ZNF543: variants seen among roughly 807,000 people sequenced by gnomAD.
The protein encoded by ZNF543 is zinc finger protein 543.
ZNF543 carries 10 observed loss-of-function variants against 13.4 expected under a neutral mutation model. The observed-to-expected ratio is 0.75, with a 90% CI of 0.46 to 1.26. The LOEUF (loss-of-function observed/expected upper bound fraction) is 1.26, where lower values mean the gene tolerates loss of function less well. Among genes scored for constraint, ZNF543 ranks in the 50% most tolerant of loss-of-function variants. The pLI is 0.00. For missense variants in ZNF543, 768 were observed against 741.2 expected (o/e 1.04, Z -0.42); for synonymous variants, 272 against 264.7 (o/e 1.03, Z -0.27).
At position 57,327,843 on chromosome 19, in the gene ZNF543, A is replaced by T; in HGVS notation, c.381A>T (p.Pro127=). 1 of 1,614,148 alleles carries T rather than the reference A, an allele frequency of 6.2e-7. No homozygotes were observed. Among genetic ancestry groups the T allele is most frequent in the Admixed American group, 1.7e-5 (1 of 60,022 alleles). Residue 127 remains proline, a synonymous_variant, in exon 4 of 4, where the codon CCA becomes CCT. Coordinates refer to ENST00000321545, the MANE Select transcript of ZNF543 (RefSeq NM_213598.4). ...GGCAATCCAAGGATCAGGATGGGCC[A>T]TCTGAAATGCAAGAAGTCCACTTGA... The part of the protein sequence containing the change: ...QLGQSKDQDG[P]SEMQEVHLKI...
chr19:57,320,745 G>A lies in ZNF543; in HGVS notation c.-109G>A, dbSNP rs775899707. 5.8e-6 allele frequency: 8 copies of A among 1,377,128 alleles called. No homozygotes were observed. Among genetic ancestry groups the A allele is most frequent in the Non-Finnish European group, 8.0e-6 (8 of 1,005,282 alleles). The allele number at this position is 1,377,128 out of a possible 1,614,324, so 85.3% of individuals were successfully genotyped here. A position where few individuals can be genotyped will look rare whatever the true frequency, so the allele number is the denominator to read the frequency against. On this transcript the variant is annotated 5_prime_UTR_variant, in exon 1 of 4. Coordinates refer to ENST00000321545, the MANE Select transcript of ZNF543 (RefSeq NM_213598.4). ...CGCATTTTTCTCTGGGGAAACTGAGGCTCCGAGTGCGAAAGTCAGCCGAGG... is the reference window on the plus strand; with the variant it reads ...CGCATTTTTCTCTGGGGAAACTGAGACTCCGAGTGCGAAAGTCAGCCGAGG...
rs773958962 is a variant in ZNF543, at chr19:57,328,076, G to C, written c.614G>C (p.Gly205Ala). Residue 205 changes from glycine (G) to alanine (A), a missense_variant, in exon 4 of 4, where the codon GGG becomes GCG. By Grantham distance (60) the Gly-to-Ala change is moderately conservative. Transcript: ENST00000321545. ...AATTCCTATAAATGTGAGGAATGCG[G>C]GAAAGTGTTTAAAAAGAATGCCCTC... is the stretch of plus-strand genomic sequence containing the variant. ...EKNSYKCEECGKVFKKNALLV... is the reference protein window; with the variant it reads ...EKNSYKCEECAKVFKKNALLV... The C allele has an allele frequency of 2.5e-6, 4 of 1,614,230 alleles. No homozygotes were observed. The highest frequency in any genetic ancestry group is 3.4e-6 in the Non-Finnish European group (4 of 1,180,052).
rs2088148655 is a variant in ZNF543, at chr19:57,329,430, G to C, written c.*165G>C. ...TCCACCTGAGAATTCACCCATGAGA[G>C]AGACCCAGTGGTTGCTATGCACTTA... On this transcript the variant is annotated 3_prime_UTR_variant, in exon 4 of 4. Transcript: ENST00000321545. 1 of 894,000 alleles carries C rather than the reference G, an allele frequency of 1.1e-6. No homozygotes were observed. The highest frequency in any genetic ancestry group is 1.7e-5 in the African/African-American group (1 of 59,608). 55.4% of individuals were successfully genotyped at this position (894,000 alleles called of 1,614,324 possible).
rs547831529 is a variant in ZNF543, at chr19:57,324,297, G to A, written c.145+489G>A. Reference sequence around the variant, plus strand: ...ACCCGGGAGGCGGAAGTTGCAGTGAGCTGAGATCTCATCACTACACTCCAG... The same window carrying A: ...ACCCGGGAGGCGGAAGTTGCAGTGAACTGAGATCTCATCACTACACTCCAG... On this transcript the variant is annotated intron_variant, in intron 2 of 3. Transcript: ENST00000321545. 3.3e-5 allele frequency among the ~76,000 whole-genome samples: 5 copies of A among 149,596 alleles called. No individual in the cohort carries two copies. In the East Asian group the frequency reaches 9.8e-4, roughly 29 times the overall value.
rs1018276123 is a variant in ZNF543 at position 57,328,423 on chromosome 19, C to T, written c.961C>T (p.Arg321Ter). Reference protein sequence around the residue: ...FVCKECGKAFRDRPGFIRHYI... With the variant: ...FVCKECGKAF ...GTGCAAAGAGTGTGGCAAAGCCTTT[C>T]GAGATAGGCCAGGTTTCATTCGACA... The change falls in exon 4 of 4, where the codon CGA (arginine) becomes TGA (stop). Residue 321 changes from arginine (R) to a stop codon, truncating the protein, a stop_gained. Transcript: ENST00000321545. LOFTEE classifies it low-confidence loss of function (END_TRUNC). 4.4e-5 allele frequency: 71 copies of T among 1,609,060 alleles called. No individual in the cohort carries two copies. Among genetic ancestry groups the T allele is most frequent in the Non-Finnish European group, 5.5e-5 (65 of 1,178,668 alleles).
chr19:57,326,969 G>A (rs1057388123), intron 3 of ZNF543, among the ~76,000 whole-genome samples: 2 of 149,764 alleles, frequency 1.3e-5, no homozygotes, highest in African/African-American at 4.9e-5. Context: ...CTGGGCTCAA[G>A]GGATTCTCCC....
Position 57,327,824 on chromosome 19 carries a change from C to T in ZNF543, c.362C>T (p.Ser121Phe). The change falls in exon 4 of 4, where the codon TCC (serine) becomes TTC (phenylalanine). Residue 121 changes from serine (S) to phenylalanine (F), a missense_variant. Ser to Phe is a radical substitution (Grantham distance 155). Transcript: ENST00000321545. ...GASKNSQLGQSKDQDGPSEMQ... is the reference protein window; with the variant it reads ...GASKNSQLGQFKDQDGPSEMQ... ...TCAAAGAACTCCCAATTAGGGCAAT[C>T]CAAGGATCAGGATGGGCCATCTGAA... 6.2e-7 allele frequency: 1 copy of T among 1,614,094 alleles called. No homozygotes were observed.
chr19:57,323,663 T>G lies in ZNF543; in HGVS notation c.19-19T>G. The G allele has an allele frequency of 6.2e-7, 1 of 1,610,474 alleles. No individual in the cohort carries two copies. The highest frequency in any genetic ancestry group is 8.5e-7 in the Non-Finnish European group (1 of 1,177,648). On this transcript the variant is annotated intron_variant, in intron 1 of 3. Coordinates refer to ENST00000321545, the MANE Select transcript of ZNF543 (RefSeq NM_213598.4). ...CACAGTTCCAAGGGAAACACTACTA[T>G]CTCTGTTTAATTTTCCAGGTGTCTG... is the stretch of plus-strand genomic sequence containing the variant.
In ZNF543 at chr19:57,320,773, G is replaced by T; in HGVS notation, c.-81G>T. On this transcript the variant is annotated 5_prime_UTR_variant, in exon 1 of 4. Transcript: ENST00000321545. The stretch of plus-strand genomic sequence containing the variant: ...CCGAGTGCGAAAGTCAGCCGAGGTC[G>T]CCCCGCCCAGGACAGAGAAGGGCTG... The T allele has an allele frequency of 2.6e-6, 4 of 1,554,038 alleles. No individual in the cohort carries two copies. The highest frequency in any genetic ancestry group is 2.6e-6 in the Non-Finnish European group (3 of 1,143,524).
chr19:57,326,772 A>G (rs2088123414), intron 3 of ZNF543, 44 bp downstream of exon 3: 1 of 1,523,216 alleles, frequency 6.6e-7, no homozygotes, highest in African/African-American at 1.4e-5. Flanking sequence ...GGCAGCTTAC[A>G]CATGGAAAAG....
intron 2 of ZNF543, 68 bp downstream of exon 2, chr19:57,323,876 C>T: frequency 6.4e-7 from 1 of 1,566,878 alleles, no homozygotes; most frequent in Admixed American, 1.7e-5. Flanking sequence ...CCTCTCTCCT[C>T]CACAGCCCAC....
intron 1 of ZNF543, among the ~76,000 whole-genome samples, chr19:57,322,639 T>G (rs1438187468): frequency 6.6e-6 from 1 of 152,144 alleles, no homozygotes; most frequent in Non-Finnish European, 1.5e-5. Context: ...GGGTTCAAAT[T>G]CTGTCTCTCC....
chr19:57,326,497 C>T (rs1336895153), intron 2 of ZNF543, 136 bp from the exon 3 acceptor site: 7 of 635,818 alleles, frequency 1.1e-5, no homozygotes, highest in Non-Finnish European at 1.9e-5. Context: ...TTTATGGTCA[C>T]GGTTCAACGT....
At position 57,329,112 on chromosome 19, in the gene ZNF543, C is replaced by T. The variant is rs549745000; in HGVS notation, c.1650C>T (p.Leu550=). 8.7e-6 allele frequency: 14 copies of T among 1,614,102 alleles called. No homozygotes were observed. Among genetic ancestry groups the T allele is most frequent in the Non-Finnish European group, 1.1e-5 (13 of 1,180,048 alleles). Reference sequence around the variant, plus strand: ...AGGCTTTTAATCGCGGCTCATCCCTCACACATCATCAAAGGATTCATACTG... The same window carrying T: ...AGGCTTTTAATCGCGGCTCATCCCTTACACATCATCAAAGGATTCATACTG... The part of the protein sequence containing the change: ...CGKAFNRGSS[L]THHQRIHTGR... The change falls in exon 4 of 4, where the codon CTC becomes CTT. Residue 550 remains leucine, a synonymous_variant. Coordinates refer to ENST00000321545, the MANE Select transcript of ZNF543 (RefSeq NM_213598.4).
chr19:57,320,740 CTG>C lies in ZNF543; in HGVS notation c.-113_-112del, dbSNP rs1444133872. 7.5e-7 allele frequency: 1 copy of C among 1,338,912 alleles called. No homozygotes were observed. The highest frequency in any genetic ancestry group is 1.0e-6 in the Non-Finnish European group (1 of 977,680). The allele number at this position is 1,338,912 out of a possible 1,614,324, so 82.9% of individuals were successfully genotyped here. A position where few individuals can be genotyped will look rare whatever the true frequency, so the allele number is the denominator to read the frequency against. ...TTGTGCGCATTTTTCTCTGGGGAAA[CTG>C]AGGCTCCGAGTGCGAAAGTCAGCCG... is the stretch of plus-strand genomic sequence containing the variant. On this transcript the variant is annotated 5_prime_UTR_variant, in exon 1 of 4. Coordinates refer to ENST00000321545, the MANE Select transcript of ZNF543 (RefSeq NM_213598.4).
At position 57,324,632 on chromosome 19, in the gene ZNF543, G is replaced by C. The variant is rs531861559; in HGVS notation, c.145+824G>C. On this transcript the variant is annotated intron_variant, in intron 2 of 3. Coordinates refer to ENST00000321545, the MANE Select transcript of ZNF543 (RefSeq NM_213598.4). The stretch of plus-strand genomic sequence containing the variant: ...AGACTCAGGTGTACATTTTGGCTTG[G>C]CCATTCGCCATTTCCCAGATTTTGG... 4.2e-4 allele frequency among the ~76,000 whole-genome samples: 64 copies of C among 152,266 alleles called. No individual in the cohort carries two copies. In the Middle Eastern group the frequency reaches 0.01, roughly 24 times the overall value.
At chr19:57,323,430 G>A (rs567885255) in intron 1 of ZNF543, among the ~76,000 whole-genome samples, 46 of 152,024 alleles carry the variant, frequency 3.0e-4, no homozygotes, top group African/African-American at 1.1e-3. Flanking sequence ...CTGACCTCGT[G>A]ATCTGCCCTT....
intron 2 of ZNF543, among the ~76,000 whole-genome samples, chr19:57,324,642 A>G (rs2122937343): frequency 6.6e-6 from 1 of 152,328 alleles, no homozygotes; most frequent in East Asian, 1.9e-4. Flanking sequence ...GCCATTCGCC[A>G]TTTCCCAGAT....
At chr19:57,324,856 G>A (rs139526629) in intron 2 of ZNF543, among the ~76,000 whole-genome samples, 231 of 152,264 alleles carry the variant, frequency 1.5e-3, no homozygotes, top group African/African-American at 4.4e-3. Context: ...CCTTTCTCCT[G>A]AATGGAGACT....
Sources: gnomAD v4.1 joint callset for allele counts (sites outside exome capture counted in the v4.1 genomes callset) on GRCh38, gnomAD v4.1.1 for gene constraint, MANE v1.5 for transcripts, NCBI Gene and HGNC (gene_info 2026-07-23, HGNC 2026-07-21) for gene names.